Variants in PARP4 observed in about 807,000 individuals in gnomAD.
The protein encoded by PARP4 is poly(ADP-ribose) polymerase family member 4.
Under a neutral mutation model 187.7 loss-of-function variants are expected in PARP4, and 120 were observed. The ratio of observed to expected loss-of-function variants is 0.64; its 90% CI spans 0.55 to 0.74. The LOEUF is 0.74. Among genes scored for constraint, PARP4 ranks in the 30% least tolerant of loss-of-function variants. The pLI is 0.00. For synonymous variants in PARP4, 654 were observed against 740.9 expected, an observed-to-expected ratio of 0.88 and a Z score of 1.90; for missense variants, 1,836 against 2,070.5, an observed-to-expected ratio of 0.89 and a Z score of 2.20.
intron 32 of PARP4, among the ~76,000 whole-genome samples, chr13:24,430,575 G>A (rs1480165739): frequency 6.6e-6 from 1 of 151,596 alleles, no homozygotes; most frequent in Non-Finnish European, 1.5e-5. Context: ...GATCCCTTGA[G>A]CCTGGGAGGT....
chr13:24,447,580 C>A (rs1972900), intron 25 of PARP4, among the ~76,000 whole-genome samples: 1 of 152,044 alleles, frequency 6.6e-6, no homozygotes, highest in Non-Finnish European at 1.5e-5. Flanking sequence ...AGGCTGGTCT[C>A]GAACTCCTGA....
At chr13:24,421,892 G>A (rs2137424277) in intron 33 of PARP4, among the ~76,000 whole-genome samples, 1 of 152,352 alleles carries the variant, frequency 6.6e-6, no homozygotes, top group South Asian at 2.1e-4. Flanking sequence ...TCAACACTCA[G>A]AAAAATTCTG....
intron 1 of PARP4, among the ~76,000 whole-genome samples, chr13:24,510,877 G>A (rs1869978128): frequency 6.6e-6 from 1 of 152,134 alleles, no homozygotes; most frequent in Non-Finnish European, 1.5e-5. Flanking sequence ...ACAGCTCACT[G>A]CAACCTCGAC....
At chr13:24,444,137 G>A (rs1871089202) in intron 27 of PARP4, among the ~76,000 whole-genome samples, 1 of 152,246 alleles carries the variant, frequency 6.6e-6, no homozygotes, top group South Asian at 2.1e-4. Context: ...ACTCTGAAGG[G>A]TGAAGACTGC....
intron 18 of PARP4, chr13:24,459,530 T>C (rs1872076532): frequency 1.6e-5 from 5 of 312,300 alleles, no homozygotes. Flanking sequence ...TGTCTGTGTG[T>C]ATACACACAC....
chr13:24,459,513 CTACA>C, intron 18 of PARP4: 2 of 454,850 alleles, frequency 4.4e-6, no homozygotes, highest in Non-Finnish European at 7.8e-6. Flanking sequence ...ATTTTAAACT[CTACA>C]TATGTCTGTG....
intron 1 of PARP4, among the ~76,000 whole-genome samples, chr13:24,511,621 C>G (rs1251736168): frequency 6.6e-6 from 1 of 152,218 alleles, no homozygotes; most frequent in Non-Finnish European, 1.5e-5. Context: ...GTCTTTACCA[C>G]TGGCATTTCC....
At chr13:24,497,791 T>A (rs1869036916) in intron 6 of PARP4, among the ~76,000 whole-genome samples, 3 of 152,168 alleles carry the variant, frequency 2.0e-5, no homozygotes, top group Admixed American at 2.0e-4. Flanking sequence ...ATGACTGCTA[T>A]CCTCATGTGT....
In PARP4 at chr13:24,434,828, T is replaced by C. The variant is rs146315494; in HGVS notation, c.4313A>G (p.His1438Arg). Residue 1438 changes from histidine to arginine, a missense_variant, in exon 31 of 34, where the codon CAT becomes CGT. Physicochemically the swap from His to Arg is conservative, Grantham distance 29. Coordinates refer to ENST00000381989, the MANE Select transcript of PARP4 (RefSeq NM_006437.4). ...TFPELDSPQL[H>R]FSLPTDPDPI... is the part of the protein sequence containing the mutation. ...ATCAGGGTCTGTAGGAAGAGAGAAA[T>C]GAAGCTGGGGAGAATCCAGCTCAGG... 174 of 1,613,486 alleles carry C rather than the reference T, an allele frequency of 1.1e-4. No individual in the cohort carries two copies. The African/African-American group carries it at 2.0e-3, about 18-fold the overall frequency.
rs189318844 is a variant in PARP4, at chr13:24,439,544, A to G, written c.3666+2302T>C. ...CGTATCTCTTATTTTTGTTAATTTA[A>G]TTTTTATTGTGGGAAAAATGTATAT... is the stretch of plus-strand genomic sequence containing the variant. On this transcript the variant is annotated intron_variant, in intron 30 of 33. Transcript: ENST00000381989. Among the ~76,000 whole-genome samples, 5 of 152,108 alleles carry G rather than the reference A, an allele frequency of 3.3e-5. No individual in the cohort carries two copies. The East Asian group carries it at 9.7e-4, about 29-fold the overall frequency.
intron 23 of PARP4, 87 bp from the exon 24 acceptor site, chr13:24,452,680 T>C (rs1188846277): frequency 9.6e-7 from 1 of 1,043,736 alleles, no homozygotes; most frequent in African/African-American, 1.6e-5. Context: ...AAGGACAGTG[T>C]AGGGATATGG....
At chr13:24,487,460 T>C (rs1006638468) in intron 10 of PARP4, among the ~76,000 whole-genome samples, 16 of 152,106 alleles carry the variant, frequency 1.1e-4, no homozygotes, top group African/African-American at 3.6e-4. Context: ...GGAAGGACAC[T>C]GTAGACAGGA....
rs529828837 is a variant in PARP4 at position 24,432,778 on chromosome 13, C to T, written c.4747-1302G>A. On this transcript the variant is annotated intron_variant, in intron 31 of 33. Transcript: ENST00000381989. Reference sequence around the variant, plus strand: ...ACTTTAAAACTACCTTCCCTGCATCCCCCATCATCTGCCTGCCCCATCACA... The same window carrying T: ...ACTTTAAAACTACCTTCCCTGCATCTCCCATCATCTGCCTGCCCCATCACA... Among the ~76,000 whole-genome samples, 254 of 151,838 alleles carry T rather than the reference C, an allele frequency of 1.7e-3. 3 individuals carry two copies. Among genetic ancestry groups the T allele is most frequent in the African/African-American group, 5.9e-3 (243 of 41,128 alleles).
At chr13:24,490,987 G>A (rs190737798) in intron 9 of PARP4, among the ~76,000 whole-genome samples, 159 bp from the exon 10 acceptor site, 43 of 152,148 alleles carry the variant, frequency 2.8e-4, no homozygotes, top group African/African-American at 9.9e-4. Flanking sequence ...TCTCACCCAC[G>A]CTGGAGTGTA....
rs1470411648 is a variant in PARP4 at position 24,475,668 on chromosome 13, C to T, written c.1790-72G>A. ...TATTTTTGTTATCTTGATCTTTATTCCTTCTTCAAGCCTTCATGCATTTTA... is the reference window on the plus strand; with the variant it reads ...TATTTTTGTTATCTTGATCTTTATTTCTTCTTCAAGCCTTCATGCATTTTA... On this transcript the variant is annotated intron_variant, in intron 14 of 33. Transcript: ENST00000381989. 3.4e-6 allele frequency: 5 copies of T among 1,456,624 alleles called. No individual in the cohort carries two copies. In the African/African-American group the frequency reaches 5.6e-5, roughly 16 times the overall value. The allele number at this position is 1,456,624 out of a possible 1,614,324, so 90.2% of individuals were successfully genotyped here.
intron 1 of PARP4, among the ~76,000 whole-genome samples, chr13:24,508,693 T>C (rs1869843499): frequency 6.6e-6 from 1 of 152,138 alleles, no homozygotes; most frequent in Non-Finnish European, 1.5e-5. Flanking sequence ...TTTGTATTTT[T>C]AGTAGAGACG....
chr13:24,493,197 C>T (rs1002518763), intron 8 of PARP4, among the ~76,000 whole-genome samples: 1 of 152,160 alleles, frequency 6.6e-6, no homozygotes, highest in African/African-American at 2.4e-5. Flanking sequence ...GGAGGCATGC[C>T]TGCCTTTCCT....
At chr13:24,491,093 G>A (rs1222525995) in intron 9 of PARP4, among the ~76,000 whole-genome samples, 1 of 151,096 alleles carries the variant, frequency 6.6e-6, no homozygotes, top group African/African-American at 2.4e-5. Context: ...GGCACTATAC[G>A]TTCCCTCTTA....
At chr13:24,486,938 G>A (rs1873592712) in intron 10 of PARP4, among the ~76,000 whole-genome samples, 1 of 151,582 alleles carries the variant, frequency 6.6e-6, no homozygotes, top group African/African-American at 2.4e-5. Context: ...CTCCAGACTG[G>A]GCGACAGAAC....
Sources: gnomAD v4.1 joint callset for allele counts (sites outside exome capture counted in the v4.1 genomes callset) on GRCh38, gnomAD v4.1.1 for gene constraint, MANE v1.5 for transcripts, NCBI Gene and HGNC (gene_info 2026-07-23, HGNC 2026-07-21) for gene names.